The following LMNA variants were observed in gnomAD, a reference collection of about 807,000 sequenced individuals.
The protein encoded by LMNA is lamin A/C, also known as lamin.
Under a neutral mutation model 70.4 loss-of-function variants are expected in LMNA, and 20 were observed. The observed-to-expected ratio is 0.28, with a 90% CI of 0.20 to 0.41. The LOEUF is 0.41. LMNA is among the 10% of genes least tolerant of loss of function. The pLI is 1.00. For missense variants in LMNA, 652 were observed against 917.2 expected (o/e 0.71, Z 3.73); for synonymous variants, 339 against 372.8 (o/e 0.91, Z 1.04).
chr1:156,126,358 T>TC, intron 1 of LMNA: 1 of 773,146 alleles, frequency 1.3e-6, no homozygotes, highest in Non-Finnish European at 2.0e-6. Context: ...CTCCCCCAGA[T>TC]TGGGAGAGGA....
upstream of LMNA, chr1:156,114,694 C>T (rs886045355): frequency 3.6e-6 from 2 of 553,238 alleles, no homozygotes; most frequent in African/African-American, 2.0e-5. Flanking sequence ...GAGCCTTTGC[C>T]CCGGCGTCGG....
Position 156,135,106 on chromosome 1 carries a change from T to C in LMNA, c.811-81T>C. On this transcript the variant is annotated intron_variant, in intron 4 of 11. Coordinates refer to ENST00000368300, the MANE Select transcript of LMNA (RefSeq NM_170707.4). The surrounding 1 kb of genome is among the most constrained non-coding windows in gnomAD (Gnocchi z 4.8). Reference sequence around the variant, plus strand: ...CTCAGGGTGGCCCAGGACCTGGGGCTGTAGCAGTGATGCCCAACTCAGGCC... The same window carrying C: ...CTCAGGGTGGCCCAGGACCTGGGGCCGTAGCAGTGATGCCCAACTCAGGCC... 1 of 1,610,922 alleles carries C rather than the reference T, an allele frequency of 6.2e-7. No homozygotes were observed. Among genetic ancestry groups the C allele is most frequent in the Non-Finnish European group, 8.5e-7 (1 of 1,177,692 alleles).
chr1:156,133,031 G>T (rs1242610371), intron 2 of LMNA, among the ~76,000 whole-genome samples: 1 of 151,518 alleles, frequency 6.6e-6, no homozygotes, highest in African/African-American at 2.4e-5. Flanking sequence ...GTAGAGACAG[G>T]GTTTCACCAT....
At chr1:156,097,514 C>T (rs561785880) in intron 3 of LMNA, among the ~76,000 whole-genome samples, 2 of 152,360 alleles carry the variant, frequency 1.3e-5, no homozygotes, top group East Asian at 1.9e-4. Flanking sequence ...ATGGAATTAC[C>T]GTTATCCCTG....
intron 1 of LMNA, among the ~76,000 whole-genome samples, chr1:156,127,487 A>G (rs1650684692): frequency 6.6e-6 from 1 of 150,658 alleles, no homozygotes; most frequent in Non-Finnish European, 1.5e-5. Flanking sequence ...TCCACCAGGG[A>G]AAGACAAATA....
At chr1:156,104,086 A>T (rs1036815102) in intron 3 of LMNA, among the ~76,000 whole-genome samples, 5 of 152,222 alleles carry the variant, frequency 3.3e-5, no homozygotes, top group African/African-American at 1.2e-4. Flanking sequence ...GATGTCCCAG[A>T]GTAGAGGGAA....
At chr1:156,087,544 ATTTTC>A (rs1156697732) in intron 2 of LMNA, among the ~76,000 whole-genome samples, 8 of 142,516 alleles carry the variant, frequency 5.6e-5, no homozygotes, top group South Asian at 2.2e-4. Context: ...CCCGGCTCCC[ATTTTC>A]TTTTCTTTTC....
intron 3 of LMNA, among the ~76,000 whole-genome samples, chr1:156,091,598 G>A (rs189618826): frequency 5.3e-5 from 8 of 152,040 alleles, no homozygotes; most frequent in Admixed American, 2.6e-4. Flanking sequence ...GCAAAACTCC[G>A]TCTCAAAAAC....
chr1:156,105,094 G>A (rs771289033), intron 3 of LMNA, among the ~76,000 whole-genome samples: 1 of 152,228 alleles, frequency 6.6e-6, no homozygotes, highest in South Asian at 2.1e-4. Flanking sequence ...TGTCACTGAC[G>A]GAGAGCCCCT....
rs1247574700 is a variant in LMNA, at chr1:156,138,868, G to A, written c.1968+111G>A. 3.9e-5 allele frequency: 57 copies of A among 1,448,680 alleles called. No homozygotes were observed. Among genetic ancestry groups the A allele is most frequent in the African/African-American group, 1.8e-4 (13 of 71,120 alleles). The allele number at this position is 1,448,680 out of a possible 1,614,324, so 89.7% of individuals were successfully genotyped here. Reference sequence around the variant, plus strand: ...GAGCCTGCCTTCTCTTCCGCAGCCCGGGGGAGTGGGAGCCTCCTCCCCACA... The same window carrying A: ...GAGCCTGCCTTCTCTTCCGCAGCCCAGGGGAGTGGGAGCCTCCTCCCCACA... On this transcript the variant is annotated intron_variant, in intron 11 of 11. Transcript: ENST00000368300. The surrounding 1 kb of genome is among the most constrained non-coding windows in gnomAD (Gnocchi z 5.5).
intron 3 of LMNA, among the ~76,000 whole-genome samples, chr1:156,094,585 G>A (rs969036503): frequency 3.9e-5 from 6 of 152,042 alleles, no homozygotes; most frequent in African/African-American, 1.2e-4. Flanking sequence ...TCCTGACCTC[G>A]TGATCTGCCC....
At chr1:156,099,012 G>A (rs1291116670) in intron 3 of LMNA, among the ~76,000 whole-genome samples, 1 of 152,104 alleles carries the variant, frequency 6.6e-6, no homozygotes, top group African/African-American at 2.4e-5. Context: ...CCTCATGATG[G>A]GCAATTAGGA....
At position 156,136,158 on chromosome 1, in the gene LMNA, T is replaced by C; in HGVS notation, c.1157+37T>C. 1 of 1,612,912 alleles carries C rather than the reference T, an allele frequency of 6.2e-7. No individual in the cohort carries two copies. The highest frequency in any genetic ancestry group is 1.1e-5 in the South Asian group (1 of 91,054). On this transcript the variant is annotated intron_variant, in intron 6 of 11. Coordinates refer to ENST00000368300, the MANE Select transcript of LMNA (RefSeq NM_170707.4). The surrounding 1 kb of genome is among the most constrained non-coding windows in gnomAD (Gnocchi z 6.1). ...AGACGTCGGGGAGGTGCTGGCAGTG[T>C]CCTCTGGCCGGCAACTGGCCTTGAC...
rs1651775433 is a variant in LMNA at position 156,137,630 on chromosome 1, G to T, written c.1609-24G>T. 4 of 1,547,980 alleles carry T rather than the reference G, an allele frequency of 2.6e-6. No individual in the cohort carries two copies. Among genetic ancestry groups the T allele is most frequent in the South Asian group, 1.2e-5 (1 of 83,976 alleles). On this transcript the variant is annotated intron_variant, in intron 9 of 11. Coordinates refer to ENST00000368300, the MANE Select transcript of LMNA (RefSeq NM_170707.4). The surrounding 1 kb of genome is among the most constrained non-coding windows in gnomAD (Gnocchi z 4.6). ...AACCCTTCCCTGGCCCTGACCCTTG[G>T]ACCTGGTTCCATGTCCCCACCAGGA... is the stretch of plus-strand genomic sequence containing the variant.
rs1374989626 is a variant in LMNA at position 156,134,616 on chromosome 1, C to G, written c.639+88C>G. ...TAGGGGGGACCAGCTGTGTGCAGAG[C>G]TCGCCTTCCTGAGTCCCTTGCCCTA... On this transcript the variant is annotated intron_variant, in intron 3 of 11. Coordinates refer to ENST00000368300, the MANE Select transcript of LMNA (RefSeq NM_170707.4). The surrounding 1 kb of genome is among the most constrained non-coding windows in gnomAD (Gnocchi z 5.3). The G allele has an allele frequency of 1.3e-6, 2 of 1,590,164 alleles. No homozygotes were observed. The highest frequency in any genetic ancestry group is 2.7e-5 in the African/African-American group (2 of 74,422).
chr1:156,089,035 C>G (rs986176294), intron 2 of LMNA, among the ~76,000 whole-genome samples: 2 of 152,110 alleles, frequency 1.3e-5, no homozygotes, highest in African/African-American at 4.8e-5. Flanking sequence ...TATAATACTG[C>G]GGCATGATCT....
chr1:156,083,754 G>C (rs1426055500), intron 2 of LMNA: 1 of 152,216 alleles, frequency 6.6e-6, no homozygotes, highest in African/African-American at 2.4e-5. Context: ...AGTGAGTCTA[G>C]ATCGCAGAGT....
At chr1:156,083,314 C>CCTTT (rs2102782087) in intron 2 of LMNA, 1 of 153,040 alleles carries the variant, frequency 6.5e-6, no homozygotes, top group South Asian at 2.1e-4. Context: ...CAGGAAAAGT[C>CCTTT]TTAAAGGCCT....
At chr1:156,126,936 C>T (rs540451278) in intron 1 of LMNA, 86 of 1,565,848 alleles carry the variant, frequency 5.5e-5, no homozygotes, top group African/African-American at 6.8e-5. Flanking sequence ...GAGGATTTCC[C>T]GACCCCTGCC....
Sources: gnomAD v4.1 joint callset for allele counts (sites outside exome capture counted in the v4.1 genomes callset) on GRCh38, gnomAD v4.1.1 for gene constraint, Gnocchi (gnomAD v3.1) non-coding constraint, MANE v1.5 for transcripts, NCBI Gene and HGNC (gene_info 2026-07-23, HGNC 2026-07-21) for gene names.